The following OSBPL1A variants were observed in gnomAD, a reference collection of about 807,000 sequenced individuals.
The protein encoded by OSBPL1A is oxysterol-binding protein-related protein 1.
A neutral mutation model predicts 137.1 loss-of-function variants in OSBPL1A; 80 were observed. That is an observed-to-expected ratio of 0.58 (90% CI 0.49 to 0.70). The LOEUF (loss-of-function observed/expected upper bound fraction) is 0.70. OSBPL1A is among the 30% of genes least tolerant of loss of function. The pLI is 0.00. For synonymous variants in OSBPL1A, 365 were observed against 389.7 expected, an observed-to-expected ratio of 0.94 and a Z score of 0.75; for missense variants, 970 against 1,129.4, an observed-to-expected ratio of 0.86 and a Z score of 2.02.
chr18:24,285,689 G>A (rs2090055841), intron 14 of OSBPL1A, among the ~76,000 whole-genome samples: 1 of 151,934 alleles, frequency 6.6e-6, no homozygotes, highest in Non-Finnish European at 1.5e-5. Context: ...AAACAGGAGA[G>A]AGACTAAATA....
At position 24,196,327 on chromosome 18, in the gene OSBPL1A, A is replaced by G; in HGVS notation, c.1602-127T>C. 4.4e-6 allele frequency: 3 copies of G among 676,194 alleles called. No homozygotes were observed. The South Asian group carries it at 5.4e-5, about 12-fold the overall frequency. 41.9% of individuals were successfully genotyped at this position (676,194 alleles called of 1,614,324 possible). ...CCTTTAAAAATGTGTGTCATCACAG[A>G]CAGGGCTAAGCAGGGCTAATCTAGG... On this transcript the variant is annotated intron_variant, in intron 17 of 27. Coordinates refer to ENST00000319481, the MANE Select transcript of OSBPL1A (RefSeq NM_080597.4).
At chr18:24,249,838 G>A (rs998483520) in intron 15 of OSBPL1A, among the ~76,000 whole-genome samples, 1 of 152,270 alleles carries the variant, frequency 6.6e-6, no homozygotes, top group Non-Finnish European at 1.5e-5. Context: ...TAGGACACAC[G>A]GACTGCAATT....
In OSBPL1A at chr18:24,314,239, A is replaced by G. The variant is rs773787516; in HGVS notation, c.969+10T>C. ...AGTTTTAGGAAAGATACATGAATCC[A>G]TAAGATTACCTCTCTTGACTGCTGA... is the stretch of plus-strand genomic sequence containing the variant. On this transcript the variant is annotated intron_variant, in intron 12 of 27. Coordinates refer to ENST00000319481, the MANE Select transcript of OSBPL1A (RefSeq NM_080597.4). The G allele has an allele frequency of 1.3e-6, 2 of 1,558,496 alleles. No homozygotes were observed. The highest frequency in any genetic ancestry group is 2.3e-5 in the East Asian group (1 of 44,388).
chr18:24,310,190 G>C (rs974269813), intron 13 of OSBPL1A, among the ~76,000 whole-genome samples: 5 of 151,818 alleles, frequency 3.3e-5, no homozygotes, highest in African/African-American at 1.2e-4. Context: ...AATCTAAAAG[G>C]CAAAAGCTTC....
At chr18:24,360,661 AT>A (rs1440562975) in intron 4 of OSBPL1A, among the ~76,000 whole-genome samples, 5 of 152,194 alleles carry the variant, frequency 3.3e-5, no homozygotes, top group African/African-American at 1.2e-4. Context: ...AAAAAAATCG[AT>A]TCTTGGAGGG....
chr18:24,355,937 A>G (rs544819993), intron 4 of OSBPL1A, among the ~76,000 whole-genome samples: 1 of 150,752 alleles, frequency 6.6e-6, no homozygotes, highest in African/African-American at 2.4e-5. Flanking sequence ...GTGAGCTGAG[A>G]TCATGCCACT....
intron 13 of OSBPL1A, among the ~76,000 whole-genome samples, chr18:24,309,114 G>T (rs755706399): frequency 2.6e-5 from 4 of 152,236 alleles, no homozygotes; most frequent in African/African-American, 4.8e-5. Context: ...AATGTAAATA[G>T]CCACATGTGT....
In OSBPL1A at chr18:24,334,197, T is replaced by C. The variant is rs1568034909; in HGVS notation, c.480+48A>G. The stretch of plus-strand genomic sequence containing the variant: ...ATTAAGTAAAAATTTTCCTGAAGTG[T>C]AAAGAAAGACTGCTTTTTGTCTTTT... On this transcript the variant is annotated intron_variant, in intron 6 of 27. Coordinates refer to ENST00000319481, the MANE Select transcript of OSBPL1A (RefSeq NM_080597.4). 3 of 1,520,608 alleles carry C rather than the reference T, an allele frequency of 2.0e-6. No individual in the cohort carries two copies. In the South Asian group the frequency reaches 3.6e-5, roughly 18 times the overall value. 94.2% of individuals were successfully genotyped at this position (1,520,608 alleles called of 1,614,324 possible).
intron 18 of OSBPL1A, among the ~76,000 whole-genome samples, chr18:24,193,829 A>G (rs1212369055): frequency 6.6e-6 from 1 of 152,180 alleles, no homozygotes; most frequent in African/African-American, 2.4e-5. Flanking sequence ...TTCAACCCAA[A>G]CAGCTCTATG....
At chr18:24,196,086 A>C (rs746281979) in intron 18 of OSBPL1A, 39 bp downstream of exon 18, 2 of 1,493,130 alleles carry the variant, frequency 1.3e-6, no homozygotes, top group East Asian at 4.5e-5. Flanking sequence ...GCGATTAAAC[A>C]TATCTGCTTA....
rs1270444816 is a variant in OSBPL1A, at chr18:24,271,545, C to T, written c.1281+9297G>A. 77 of 986,530 alleles carry T rather than the reference C, an allele frequency of 7.8e-5. No homozygotes were observed. The highest frequency in any genetic ancestry group is 9.3e-5 in the Non-Finnish European group (77 of 830,876). 61.1% of individuals were successfully genotyped at this position (986,530 alleles called of 1,614,324 possible). The stretch of plus-strand genomic sequence containing the variant: ...CCCTGGATCAAGTCTGGCCGCCCTC[C>T]CCGCTCCGTCCCCCGGCGTCCTCCG... On this transcript the variant is annotated intron_variant, in intron 15 of 27. Coordinates refer to ENST00000319481, the MANE Select transcript of OSBPL1A (RefSeq NM_080597.4). The surrounding 1 kb of genome is among the most constrained non-coding windows in gnomAD (Gnocchi z 4.0).
At chr18:24,201,860 C>A (rs903354867) in intron 17 of OSBPL1A, among the ~76,000 whole-genome samples, 1 of 152,132 alleles carries the variant, frequency 6.6e-6, no homozygotes, top group African/African-American at 2.4e-5. Flanking sequence ...GGACACTGAG[C>A]CCACCTCCTG....
chr18:24,166,746 A>T (rs773927425), intron 25 of OSBPL1A, 44 bp from the exon 26 acceptor site: 2 of 1,575,572 alleles, frequency 1.3e-6, no homozygotes, highest in Non-Finnish European at 1.7e-6. Flanking sequence ...GCCAAGGCAT[A>T]ATGCAAAATG....
chr18:24,329,306 T>C (rs1445676384), intron 7 of OSBPL1A, among the ~76,000 whole-genome samples: 5 of 151,980 alleles, frequency 3.3e-5, no homozygotes, highest in Non-Finnish European at 7.4e-5. Context: ...TCCTAGCACT[T>C]TGGGAGGCTG....
chr18:24,223,291 T>C (rs2087952941), intron 17 of OSBPL1A, among the ~76,000 whole-genome samples: 1 of 151,842 alleles, frequency 6.6e-6, no homozygotes, highest in African/African-American at 2.4e-5. Context: ...ATATGCTCTA[T>C]CTATTTGATT....
At chr18:24,379,668 G>C (rs2146207368) in intron 1 of OSBPL1A, among the ~76,000 whole-genome samples, 1 of 151,882 alleles carries the variant, frequency 6.6e-6, no homozygotes, top group South Asian at 2.1e-4. Flanking sequence ...AGGAGTTTGA[G>C]ACCAGCCTAA....
chr18:24,364,231 C>A (rs1253306374), intron 4 of OSBPL1A, among the ~76,000 whole-genome samples: 1 of 152,148 alleles, frequency 6.6e-6, no homozygotes, highest in Non-Finnish European at 1.5e-5. Flanking sequence ...TTCCCAGGTA[C>A]CCCAGGCTGC....
At chr18:24,376,574 C>T (rs771798943) in intron 2 of OSBPL1A, among the ~76,000 whole-genome samples, 5 of 152,230 alleles carry the variant, frequency 3.3e-5, no homozygotes, top group South Asian at 4.1e-4. Context: ...CTGCACCATG[C>T]GCCCGCACTC....
At chr18:24,332,032 G>T (rs1160825886) in intron 7 of OSBPL1A, among the ~76,000 whole-genome samples, 2 of 151,922 alleles carry the variant, frequency 1.3e-5, no homozygotes, top group Non-Finnish European at 1.5e-5. Flanking sequence ...TCTATTTAGG[G>T]TCACACTTTC....
Sources: gnomAD v4.1 joint callset for allele counts (sites outside exome capture counted in the v4.1 genomes callset) on GRCh38, gnomAD v4.1.1 for gene constraint, Gnocchi (gnomAD v3.1) non-coding constraint, MANE v1.5 for transcripts, NCBI Gene and HGNC (gene_info 2026-07-23, HGNC 2026-07-21) for gene names.